PIK3R3: variants seen among roughly 807,000 people sequenced by gnomAD.
The protein encoded by PIK3R3 is phosphatidylinositol 3-kinase regulatory subunit gamma.
PIK3R3 carries 64 observed loss-of-function variants against 62.9 expected under a neutral mutation model. The observed-to-expected ratio is 1.02, with a 90% CI of 0.83 to 1.25. The LOEUF is 1.25. Among genes scored for constraint, PIK3R3 ranks in the 50% most tolerant of loss-of-function variants. The probability of loss-of-function intolerance (pLI) is 0.00; values close to 1 mark genes in which losing one functional copy is unlikely to be tolerated. For missense variants in PIK3R3, 614 were observed against 561.6 expected (o/e 1.09, Z -0.94); for synonymous variants, 165 against 189.0 (o/e 0.87, Z 1.04).
intron 1 of PIK3R3, among the ~76,000 whole-genome samples, chr1:46,111,706 CAG>C (rs1653758875): frequency 6.6e-6 from 1 of 151,396 alleles, no homozygotes; most frequent in Non-Finnish European, 1.5e-5. Flanking sequence ...GCCTGGGTGA[CAG>C]AGCCAGACTC....
At chr1:46,100,782 G>A (rs989110282) in intron 1 of PIK3R3, among the ~76,000 whole-genome samples, 6 of 152,150 alleles carry the variant, frequency 3.9e-5, no homozygotes, top group Non-Finnish European at 8.8e-5. Context: ...AATGGAAATT[G>A]TATACTTTTC....
rs377074614 is a variant in PIK3R3 at position 46,094,396 on chromosome 1, G to A, written c.107-13646C>T. ...TGCTTAGGAAAAAAAGACTAATCAA[G>A]CTAACCAAGGGGAAAACATTTATTT... On this transcript the variant is annotated intron_variant, in intron 1 of 9. Transcript: ENST00000262741. 7.4e-4 allele frequency among the ~76,000 whole-genome samples: 113 copies of A among 152,140 alleles called. 3 individuals are homozygous for A. The South Asian group carries it at 0.021, about 28-fold the overall frequency.
Position 46,045,948 on chromosome 1 carries a change from C to A in PIK3R3, c.1157G>T (p.Ser386Ile). The A allele has an allele frequency of 6.2e-7, 1 of 1,613,584 alleles. No homozygotes were observed. Reference sequence around the variant, plus strand: ...AGAGCAAGCATAGCATCCTTTCTTGCTACTCTCACGAATTAAGAATGCACC... The same window carrying A: ...AGAGCAAGCATAGCATCCTTTCTTGATACTCTCACGAATTAAGAATGCACC... ...PDGAFLIRES[S>I]KKGCYACSVV... Residue 386 changes from serine (S) to isoleucine (I), a missense_variant, in exon 9 of 10, where the codon AGC (serine) becomes ATC (isoleucine). By Grantham distance (142) the Ser-to-Ile change is moderately radical. Transcript: ENST00000262741.
chr1:46,136,468 T>C (rs1421366672), upstream of PIK3R3, among the ~76,000 whole-genome samples: 1 of 152,228 alleles, frequency 6.6e-6, no homozygotes, highest in Non-Finnish European at 1.5e-5. Flanking sequence ...TTTTTCCAAA[T>C]GGTATTCCTT....
In PIK3R3 at chr1:46,046,094, A is replaced by T; in HGVS notation, c.1017-6T>A. On this transcript the variant is annotated splice_region_variant and splice_polypyrimidine_tract_variant and intron_variant, in intron 8 of 9. Transcript: ENST00000262741. ...CCTCATTGATAAAATAGTTCCTAAA[A>T]ATTAAATATTAGTATATTATTCTAA... 1 of 1,503,840 alleles carries T rather than the reference A, an allele frequency of 6.6e-7. No homozygotes were observed. The highest frequency in any genetic ancestry group is 9.2e-7 in the Non-Finnish European group (1 of 1,089,154). 93.2% of individuals were successfully genotyped at this position (1,503,840 alleles called of 1,614,324 possible). A position where few individuals can be genotyped will look rare whatever the true frequency, so the allele number is the denominator to read the frequency against.
chr1:46,117,425 T>C (rs1557627624), intron 1 of PIK3R3, among the ~76,000 whole-genome samples: 2 of 151,708 alleles, frequency 1.3e-5, no homozygotes, highest in Non-Finnish European at 2.9e-5. Flanking sequence ...AGCAAGATCT[T>C]GTATCCAAAA....
chr1:46,059,545 G>A (rs1164037115), intron 6 of PIK3R3, among the ~76,000 whole-genome samples: 2 of 152,140 alleles, frequency 1.3e-5, no homozygotes, highest in African/African-American at 4.8e-5. Context: ...TTCATATGCT[G>A]GACACACACC....
the PIK3R3 span, among the ~76,000 whole-genome samples, chr1:46,155,519 T>C: frequency 6.6e-6 from 1 of 151,592 alleles, no homozygotes; most frequent in Non-Finnish European, 1.5e-5. Flanking sequence ...CAATCTCAGC[T>C]CAATGCAGCC....
chr1:46,104,707 T>C (rs1312469565), intron 1 of PIK3R3, among the ~76,000 whole-genome samples: 1 of 151,986 alleles, frequency 6.6e-6, no homozygotes, highest in African/African-American at 2.4e-5. Context: ...GGCAGGTGGA[T>C]CATTTGAGGT....
intron 1 of PIK3R3, among the ~76,000 whole-genome samples, chr1:46,086,349 G>A (rs898999062): frequency 5.9e-5 from 9 of 152,106 alleles, no homozygotes; most frequent in African/African-American, 1.2e-4. Flanking sequence ...CCAGCTACTC[G>A]GGAGGCTGAG....
chr1:46,107,551 T>C (rs1653337143), intron 1 of PIK3R3, among the ~76,000 whole-genome samples: 2 of 152,078 alleles, frequency 1.3e-5, no homozygotes, highest in African/African-American at 4.8e-5. Flanking sequence ...CGAGACTCCA[T>C]CTCAAAACAA....
At chr1:46,153,135 G>A in the PIK3R3 span, among the ~76,000 whole-genome samples, 14 of 152,130 alleles carry the variant, frequency 9.2e-5, no homozygotes, top group African/African-American at 3.4e-4. Context: ...ATGAGTCCAT[G>A]GAATGGATAT....
intron 1 of PIK3R3, among the ~76,000 whole-genome samples, chr1:46,087,592 C>CTTTTTTT (rs35296719): frequency 2.0e-5 from 2 of 100,358 alleles, no homozygotes; most frequent in Non-Finnish European, 1.9e-5. Context: ...ACATATTCAT[C>CTTTTTTT]TTTTTTTTTT....
intron 1 of PIK3R3, among the ~76,000 whole-genome samples, chr1:46,082,007 T>C (rs1483707697): frequency 1.3e-5 from 2 of 151,760 alleles, no homozygotes; most frequent in African/African-American, 4.8e-5. Flanking sequence ...TATAAATAAA[T>C]AAATAAATAA....
the PIK3R3 span, among the ~76,000 whole-genome samples, chr1:46,168,286 TGAC>T: frequency 6.6e-6 from 1 of 152,348 alleles, no homozygotes; most frequent in East Asian, 1.9e-4. Context: ...CTTTTAGCCC[TGAC>T]ATTTTTCTTG....
intron 1 of PIK3R3, among the ~76,000 whole-genome samples, chr1:46,117,196 G>A (rs1231255128): frequency 6.6e-6 from 1 of 152,100 alleles, no homozygotes; most frequent in African/African-American, 2.4e-5. Flanking sequence ...ACTTTGGGAC[G>A]CCAAGGCAGG....
chr1:46,160,874 T>G, the PIK3R3 span, among the ~76,000 whole-genome samples: 3 of 151,604 alleles, frequency 2.0e-5, no homozygotes, highest in Non-Finnish European at 2.9e-5. Context: ...TGGGGAGGAG[T>G]GTTCCCCAAA....
In PIK3R3 at chr1:46,044,016, C is replaced by T; in HGVS notation, c.1188-145G>A. 1 of 678,150 alleles carries T rather than the reference C, an allele frequency of 1.5e-6. No homozygotes were observed. Among genetic ancestry groups the T allele is most frequent in the Non-Finnish European group, 2.5e-6 (1 of 398,244 alleles). 42.0% of individuals were successfully genotyped at this position (678,150 alleles called of 1,614,324 possible). A position where few individuals can be genotyped will look rare whatever the true frequency, so the allele number is the denominator to read the frequency against. On this transcript the variant is annotated intron_variant, in intron 9 of 9. Transcript: ENST00000262741. This position sits in a 1 kb window ranked among gnomAD's most constrained non-coding sequence, Gnocchi z 4.2. ...AAGCTTGTGAAATTGCGTTCCCATT[C>T]CCTACAGACTTGGCCACAGATACGG...
intron 1 of PIK3R3, among the ~76,000 whole-genome samples, chr1:46,089,266 T>G (rs749864360): frequency 6.6e-6 from 1 of 152,090 alleles, no homozygotes; most frequent in Non-Finnish European, 1.5e-5. Context: ...CAAGTTAGAA[T>G]TCAAACAGGA....
Sources: gnomAD v4.1 joint callset for allele counts (sites outside exome capture counted in the v4.1 genomes callset) on GRCh38, gnomAD v4.1.1 for gene constraint, Gnocchi (gnomAD v3.1) non-coding constraint, MANE v1.5 for transcripts, NCBI Gene and HGNC (gene_info 2026-07-23, HGNC 2026-07-21) for gene names.